The following STXBP6 variants were observed in gnomAD, a reference collection of about 807,000 sequenced individuals.
STXBP6 encodes the protein syntaxin binding protein 6, also known as syntaxin-binding protein 6.
STXBP6 carries 21 observed loss-of-function variants against 26.9 expected under a neutral mutation model. The observed-to-expected ratio is 0.78, with a 90% CI of 0.55 to 1.12. STXBP6 has a LOEUF of 1.12. Ranked by LOEUF, STXBP6 falls within the 50% of genes most tolerant of loss-of-function variation. The probability of loss-of-function intolerance (pLI) is 0.00; values close to 1 mark genes in which losing one functional copy is unlikely to be tolerated. For missense variants in STXBP6, 232 were observed against 257.9 expected (o/e 0.90, Z 0.69); for synonymous variants, 97 against 92.6 (o/e 1.05, Z -0.27).
intron 5 of STXBP6, 113 bp downstream of exon 5, chr14:24,818,924 G>GA: frequency 7.2e-7 from 1 of 1,380,614 alleles, no homozygotes; most frequent in Non-Finnish European, 9.7e-7. Context: ...ACATAAAGGG[G>GA]AAATAGCTTA....
intron 2 of STXBP6, among the ~76,000 whole-genome samples, chr14:24,882,861 C>A (rs1158752229): frequency 2.0e-5 from 3 of 152,168 alleles, no homozygotes; most frequent in Non-Finnish European, 4.4e-5. Flanking sequence ...AAGCTGGCAA[C>A]ACTTTTGAAA....
rs535354806 is a variant in STXBP6, at chr14:24,944,515, C to T, written c.154+30150G>A. On this transcript the variant is annotated intron_variant, in intron 2 of 5. Transcript: ENST00000323944. ...TTCATAGTGTTCACCAGTGAAAATGCGACTGCCTCAAACAGACATGGCATT... is the reference window on the plus strand; with the variant it reads ...TTCATAGTGTTCACCAGTGAAAATGTGACTGCCTCAAACAGACATGGCATT... 3.9e-5 allele frequency among the ~76,000 whole-genome samples: 6 copies of T among 152,172 alleles called. No homozygotes were observed. In the South Asian group the frequency reaches 8.3e-4, roughly 21 times the overall value.
intron 1 of STXBP6, among the ~76,000 whole-genome samples, chr14:25,030,130 T>C (rs905976504): frequency 3.9e-5 from 6 of 152,200 alleles, no homozygotes; most frequent in African/African-American, 1.4e-4. Flanking sequence ...ATGACTACAA[T>C]GGCATCCCTT....
intron 4 of STXBP6, among the ~76,000 whole-genome samples, chr14:24,832,989 C>A (rs1427535378): frequency 1.3e-5 from 2 of 152,222 alleles, no homozygotes; most frequent in African/African-American, 4.8e-5. Flanking sequence ...AATGATGAAA[C>A]TCAGAAACTC....
At chr14:24,826,316 G>C (rs575125536) in intron 4 of STXBP6, among the ~76,000 whole-genome samples, 1 of 152,144 alleles carries the variant, frequency 6.6e-6, no homozygotes, top group Non-Finnish European at 1.5e-5. Context: ...TATCTCATGA[G>C]ATTGCTGTGA....
chr14:24,936,392 G>C (rs2072599220), intron 2 of STXBP6, among the ~76,000 whole-genome samples: 1 of 152,188 alleles, frequency 6.6e-6, no homozygotes, highest in South Asian at 2.1e-4. Flanking sequence ...CCTTCAGATA[G>C]AAGAGGTCAC....
At chr14:24,911,541 T>C (rs1190202260) in intron 2 of STXBP6, among the ~76,000 whole-genome samples, 2 of 152,160 alleles carry the variant, frequency 1.3e-5, no homozygotes, top group Non-Finnish European at 2.9e-5. Context: ...GTCTCCACTA[T>C]AGATACCAGC....
At chr14:24,996,080 A>G (rs1465379810) in intron 1 of STXBP6, among the ~76,000 whole-genome samples, 1 of 152,140 alleles carries the variant, frequency 6.6e-6, no homozygotes, top group Non-Finnish European at 1.5e-5. Flanking sequence ...CCCCACCCCA[A>G]GTAGTTGAAA....
intron 2 of STXBP6, among the ~76,000 whole-genome samples, chr14:24,955,174 G>A (rs1566507394): frequency 6.6e-6 from 1 of 152,148 alleles, no homozygotes; most frequent in Non-Finnish European, 1.5e-5. Flanking sequence ...GTTGAACATG[G>A]CAGGAGGAGA....
rs377632628 is a variant in STXBP6, at chr14:24,971,002, T to G, written c.154+3663A>C. ...ATTCAAGAAGTCAATCAATCTGTGA[T>G]TCCAGTGAGAAACACTCAAATCCTA... On this transcript the variant is annotated intron_variant, in intron 2 of 5. Coordinates refer to ENST00000323944, the MANE Select transcript of STXBP6 (RefSeq NM_001394410.1). Among the ~76,000 whole-genome samples the G allele has an allele frequency of 2.9e-4, 44 of 152,320 alleles. 1 individual carries two copies. In the East Asian group the frequency reaches 6.9e-3, roughly 24 times the overall value.
intron 2 of STXBP6, among the ~76,000 whole-genome samples, chr14:24,869,038 G>T (rs980024951): frequency 2.0e-5 from 3 of 152,206 alleles, no homozygotes; most frequent in Middle Eastern, 3.2e-3. Flanking sequence ...ACCTGAAAAT[G>T]TAAGACTACG....
At chr14:24,957,994 T>G (rs576527623) in intron 2 of STXBP6, among the ~76,000 whole-genome samples, 38 of 152,084 alleles carry the variant, frequency 2.5e-4, no homozygotes, top group African/African-American at 8.7e-4. Context: ...CAGGAAAGAG[T>G]GATGCAACTT....
chr14:24,991,380 ACTTT>A (rs1285809155), intron 1 of STXBP6, among the ~76,000 whole-genome samples: 1 of 152,250 alleles, frequency 6.6e-6, no homozygotes, highest in Non-Finnish European at 1.5e-5. Context: ...TATGTGTCTT[ACTTT>A]CTTTATTAAT....
intron 2 of STXBP6, among the ~76,000 whole-genome samples, chr14:24,876,691 C>A (rs188869470): frequency 6.6e-6 from 1 of 152,116 alleles, no homozygotes; most frequent in Non-Finnish European, 1.5e-5. Context: ...AGCTGCAGGG[C>A]AAGGTTCACT....
In STXBP6 at chr14:25,044,170, C is replaced by CAAAA. The variant is rs768658907; in HGVS notation, c.-33+5704_-33+5707dup. 1.4e-3 allele frequency among the ~76,000 whole-genome samples: 73 copies of CAAAA among 53,306 alleles called. 2 individuals carry two copies. The highest frequency in any genetic ancestry group is 0.014 in the Middle Eastern group (1 of 72). 35.0% of individuals were successfully genotyped at this position (53,306 alleles called of 152,430 possible). A position where few individuals can be genotyped will look rare whatever the true frequency, so the allele number is the denominator to read the frequency against. On this transcript the variant is annotated intron_variant, in intron 1 of 5. Transcript: ENST00000323944. ...TGGGAGACAGAATGAGACTCTGCCT[C>CAAAA]AAAAAAAAAAAAAAAAAAAAAAAAG...
In STXBP6 at chr14:24,974,714, G is replaced by A. The variant is rs2073996896; in HGVS notation, c.105C>T (p.Phe35=). 3 of 1,573,930 alleles carry A rather than the reference G, an allele frequency of 1.9e-6. No individual in the cohort carries two copies. The highest frequency in any genetic ancestry group is 2.6e-6 in the Non-Finnish European group (3 of 1,156,650). Residue 35 remains phenylalanine, a synonymous_variant, in exon 2 of 6, where the codon TTC becomes TTT. Coordinates refer to ENST00000323944, the MANE Select transcript of STXBP6 (RefSeq NM_001394410.1). ...VKRRTKKKIP[F]LATGGQGEYL... is the part of the protein sequence containing the mutation. ...ATTCGCCTTGACCTCCAGTTGCCAA[G>A]AAAGGAATCTTTTTCTTTGTCCTCC...
rs1394719081 is a variant in STXBP6, at chr14:25,047,090, G to C, written c.-33+2788C>G. Among the ~76,000 whole-genome samples the C allele has an allele frequency of 1.3e-5, 2 of 152,264 alleles. 1 individual carries two copies. Among genetic ancestry groups the C allele is most frequent in the South Asian group, 4.2e-4 (2 of 4,818 alleles). On this transcript the variant is annotated intron_variant, in intron 1 of 5. Coordinates refer to ENST00000323944, the MANE Select transcript of STXBP6 (RefSeq NM_001394410.1). Reference sequence around the variant, plus strand: ...TTCTTCTTAAACTTGTTCCCTAGGTGATCTATTCTGTCCTCCAACCTTAAG... The same window carrying C: ...TTCTTCTTAAACTTGTTCCCTAGGTCATCTATTCTGTCCTCCAACCTTAAG...
intron 4 of STXBP6, among the ~76,000 whole-genome samples, chr14:24,832,417 G>A (rs754981336): frequency 3.3e-5 from 5 of 152,182 alleles, no homozygotes; most frequent in Non-Finnish European, 7.3e-5. Context: ...TATTTGGTGT[G>A]AATGAGCGGA....
At chr14:24,956,691 A>C (rs1376733235) in intron 2 of STXBP6, among the ~76,000 whole-genome samples, 1 of 151,546 alleles carries the variant, frequency 6.6e-6, no homozygotes, top group Non-Finnish European at 1.5e-5. Context: ...AACAAAAAAC[A>C]AACAAAATAC....
Sources: gnomAD v4.1 joint callset for allele counts (sites outside exome capture counted in the v4.1 genomes callset) on GRCh38, gnomAD v4.1.1 for gene constraint, MANE v1.5 for transcripts, NCBI Gene and HGNC (gene_info 2026-07-23, HGNC 2026-07-21) for gene names.